Variants in IL13RA1 observed in about 807,000 individuals in gnomAD.
IL13RA1 encodes the protein interleukin-13 receptor subunit alpha-1.
IL13RA1 carries 14 observed loss-of-function variants against 33.8 expected under a neutral mutation model. The observed-to-expected ratio is 0.41, with a 90% confidence interval of 0.27 to 0.65. IL13RA1 has a LOEUF of 0.65. Among genes scored for constraint, IL13RA1 ranks in the 30% least tolerant of loss-of-function variants. The pLI, the probability that IL13RA1 is intolerant of heterozygous loss-of-function variation, is 0.28. For synonymous variants in IL13RA1, 116 were observed against 115.7 expected (o/e 1.00, Z -0.02); for missense variants, 313 against 327.0 (o/e 0.96, Z 0.33).
chrX:118,743,777 A>G (rs1047099296), intron 2 of IL13RA1, among the ~76,000 whole-genome samples: 1 of 111,733 alleles, frequency 8.9e-6, no homozygotes, highest in Non-Finnish European at 1.9e-5. Context: ...GCATAACATC[A>G]TACAGCAGCT....
chrX:118,761,007 T>TA (rs2017584748), intron 5 of IL13RA1, 131 bp from the exon 6 acceptor site: 1 of 390,143 alleles, frequency 2.6e-6, no homozygotes, highest in Admixed American at 4.4e-5. Flanking sequence ...TGCTATTTTT[T>TA]AAAAAATATT....
At chrX:118,728,082 C>T (rs2017175640) in intron 1 of IL13RA1, among the ~76,000 whole-genome samples, 2 of 112,759 alleles carry the variant, frequency 1.8e-5, no homozygotes, top group African/African-American at 6.4e-5. Flanking sequence ...CCCACGGCGT[C>T]AGAGGGCCGT....
intron 9 of IL13RA1, among the ~76,000 whole-genome samples, chrX:118,774,441 AC>A (rs2017760841): frequency 9.0e-6 from 1 of 111,588 alleles, no homozygotes; most frequent in African/African-American, 3.3e-5. Flanking sequence ...GAGCCACTGC[AC>A]CCAGCCGCTA....
chrX:118,733,816 C>A (rs1282102755), intron 1 of IL13RA1, among the ~76,000 whole-genome samples: 1 of 111,160 alleles, frequency 9.0e-6, no homozygotes, highest in African/African-American at 3.3e-5. Flanking sequence ...GGGTAAGCGT[C>A]CAATTTCATT....
At chrX:118,800,691 A>G in the IL13RA1 span, among the ~76,000 whole-genome samples, 1 of 111,132 alleles carries the variant, frequency 9.0e-6, no homozygotes, top group African/African-American at 3.3e-5. Context: ...TGCAGCCTCG[A>G]CCTTCCGGGC....
intron 10 of IL13RA1, among the ~76,000 whole-genome samples, chrX:118,790,584 T>G (rs1462729352): frequency 8.9e-6 from 1 of 112,205 alleles, no homozygotes; most frequent in Non-Finnish European, 1.9e-5. Flanking sequence ...ATGATTGCAC[T>G]ATCTTATTTT....
At position 118,791,820 on chromosome X, in the gene IL13RA1, T is replaced by C. The variant is rs747374155; in HGVS notation, c.1250T>C (p.Val417Ala). The C allele has an allele frequency of 1.9e-6, 2 of 1,056,652 alleles. No individual in the cohort carries two copies. The highest frequency in any genetic ancestry group is 3.8e-5 in the South Asian group (2 of 52,789). 87.1% of individuals were successfully genotyped at this position (1,056,652 alleles called of 1,213,427 possible). ...KQTKEETDSV[V>A]LIENLKKASQ ...ACCAAGGAGGAAACCGACTCTGTAGTGCTGATAGAAAACCTGAAGAAAGCC... is the reference window on the plus strand; with the variant it reads ...ACCAAGGAGGAAACCGACTCTGTAGCGCTGATAGAAAACCTGAAGAAAGCC... The change falls in exon 11 of 11, where the codon GTG becomes GCG. Residue 417 changes from valine (V) to alanine (A), a missense_variant. Transcript: ENST00000371666.
rs1192304416 is a variant in IL13RA1 at position 118,758,141 on chromosome X, T to G, written c.575T>G (p.Val192Gly). 8.7e-7 allele frequency: 1 copy of G among 1,146,297 alleles called. No individual in the cohort carries two copies. Among genetic ancestry groups the G allele is most frequent in the Non-Finnish European group, 1.2e-6 (1 of 837,860 alleles). The allele number at this position is 1,146,297 out of a possible 1,213,427, so 94.5% of individuals were successfully genotyped here. A position where few individuals can be genotyped will look rare whatever the true frequency, so the allele number is the denominator to read the frequency against. The change falls in exon 5 of 11, where the codon GTG becomes GGG. Residue 192 changes from valine (V) to glycine (G), a missense_variant. Physicochemically the swap from Val to Gly is moderately radical, Grantham distance 109. Coordinates refer to ENST00000371666, the MANE Select transcript of IL13RA1 (RefSeq NM_001560.3). ...YFGCSFDLTKVKDSSFEQHSV... is the reference protein window; with the variant it reads ...YFGCSFDLTKGKDSSFEQHSV... ...GGTTGTTCCTTTGATCTGACCAAAGTGAAGGATTCCAGTTTTGAACAACAC... is the reference window on the plus strand; with the variant it reads ...GGTTGTTCCTTTGATCTGACCAAAGGGAAGGATTCCAGTTTTGAACAACAC...
intron 2 of IL13RA1, among the ~76,000 whole-genome samples, chrX:118,744,007 G>A (rs921558905): frequency 3.6e-5 from 4 of 111,417 alleles, no homozygotes; most frequent in Non-Finnish European, 5.7e-5. Context: ...TTAGCCAGGC[G>A]TGGTGGTGTG....
At chrX:118,760,181 CTG>C (rs1361162248) in intron 5 of IL13RA1, among the ~76,000 whole-genome samples, 1 of 112,173 alleles carries the variant, frequency 8.9e-6, no homozygotes, top group African/African-American at 3.2e-5. Context: ...AAACCGAACT[CTG>C]TTCATTAAAC....
At chrX:118,770,621 C>A (rs1228375563) in intron 8 of IL13RA1, 1 of 446,289 alleles carries the variant, frequency 2.2e-6, no homozygotes, top group South Asian at 2.4e-5. Context: ...AACTACTCAG[C>A]TGGGCTGCCG....
chrX:118,766,498 CATT>C (rs746206024), intron 6 of IL13RA1, 29 bp from the exon 7 acceptor site: 26 of 740,470 alleles, frequency 3.5e-5, no homozygotes. Flanking sequence ...ATTTAGGACT[CATT>C]AGTTTATTTA....
At chrX:118,785,213 T>A (rs2017902944) in intron 10 of IL13RA1, among the ~76,000 whole-genome samples, 2 of 111,110 alleles carry the variant, frequency 1.8e-5, no homozygotes, top group Admixed American at 1.9e-4. Flanking sequence ...TCCTCCCAAC[T>A]CAGCCTCCTG....
chrX:118,797,317 A>G (rs1489269639), downstream of IL13RA1, among the ~76,000 whole-genome samples: 1 of 112,415 alleles, frequency 8.9e-6, no homozygotes, highest in Non-Finnish European at 1.9e-5. Context: ...GAAACTGCCA[A>G]AAATAACCAG....
intron 1 of IL13RA1, among the ~76,000 whole-genome samples, chrX:118,729,710 A>G (rs1265162700): frequency 8.9e-6 from 1 of 112,481 alleles, no homozygotes; most frequent in Non-Finnish European, 1.9e-5. Context: ...GTACTATTTC[A>G]TTTAATCTTT....
downstream of IL13RA1, among the ~76,000 whole-genome samples, chrX:118,796,783 G>A (rs1055011674): frequency 3.6e-5 from 4 of 112,508 alleles, no homozygotes; most frequent in East Asian, 2.8e-4. Flanking sequence ...TGATCCGCCC[G>A]CCTCGGCCTC....
chrX:118,794,900 A>G (rs778548468), downstream of IL13RA1, among the ~76,000 whole-genome samples: 156 of 111,634 alleles, frequency 1.4e-3, no homozygotes, highest in Non-Finnish European at 2.3e-3. Flanking sequence ...ACAAGGGAAT[A>G]TATTAGCAGG....
intron 10 of IL13RA1, among the ~76,000 whole-genome samples, chrX:118,784,125 A>ATATG (rs1223610666): frequency 1.3e-4 from 3 of 22,511 alleles, no homozygotes; most frequent in African/African-American, 3.5e-4. Flanking sequence ...ATATGTATAT[A>ATATG]TATGTATATA....
chrX:118,734,848 T>C (rs1249976175), intron 1 of IL13RA1, among the ~76,000 whole-genome samples: 1 of 111,972 alleles, frequency 8.9e-6, no homozygotes, highest in Non-Finnish European at 1.9e-5. Context: ...TTACGAAGTT[T>C]GAGAAGGTTT....
Sources: allele counts gnomAD v4.1 joint callset (sites outside exome capture counted in the v4.1 genomes callset), GRCh38; gene constraint gnomAD v4.1.1; transcripts MANE v1.5; gene names NCBI Gene and HGNC (gene_info 2026-07-23, HGNC 2026-07-21).